The following ZWINT variants were observed in gnomAD, a reference collection of about 807,000 sequenced individuals.
ZWINT encodes the protein ZW10 interacting kinetochore protein.
ZWINT carries 41 observed loss-of-function variants against 41.5 expected under a neutral mutation model. The observed-to-expected ratio is 0.99, with a 90% CI of 0.77 to 1.28. ZWINT has a LOEUF of 1.28. Among genes scored for constraint, ZWINT ranks in the 50% most tolerant of loss-of-function variants. ZWINT has a pLI of 0.00. For synonymous variants in ZWINT, 132 were observed against 126.8 expected, an observed-to-expected ratio of 1.04 and a Z score of -0.28; for missense variants, 369 against 329.7, an observed-to-expected ratio of 1.12 and a Z score of -0.92.
intron 2 of ZWINT, 45 bp downstream of exon 2, chr10:56,360,248 A>T (rs746802649): frequency 5.6e-6 from 9 of 1,609,382 alleles, no homozygotes; most frequent in Admixed American, 1.7e-5. Flanking sequence ...AGGAGCCAGG[A>T]CCAGACCCTG....
In ZWINT at chr10:56,360,403, C is replaced by A; in HGVS notation, c.42-20G>T. The A allele has an allele frequency of 4.4e-6, 7 of 1,606,362 alleles. No individual in the cohort carries two copies. The highest frequency in any genetic ancestry group is 6.0e-6 in the Non-Finnish European group (7 of 1,174,270). ...AGGACCCTGGAGGGGCAAGGAAACA[C>A]AGGAAATTGCAGTTTCTTGTGGTGC... On this transcript the variant is annotated intron_variant, in intron 1 of 8. Transcript: ENST00000373944.
rs774809948 is a variant in ZWINT at position 56,358,908 on chromosome 10, C to A, written c.520G>T (p.Val174Leu). The A allele has an allele frequency of 6.2e-7, 1 of 1,614,166 alleles. No homozygotes were observed. The highest frequency in any genetic ancestry group is 8.5e-7 in the Non-Finnish European group (1 of 1,180,032). Residue 174 changes from valine (V) to leucine (L), a missense_variant, in exon 6 of 9, where the codon GTG becomes TTG. Physicochemically the swap from Val to Leu is conservative, Grantham distance 32. Coordinates refer to ENST00000373944, the MANE Select transcript of ZWINT (RefSeq NM_007057.4). ...TGAGTCCCTGTCTTACGCTCCCTCA[C>A]CTCTGCAGAAACCTCCGCCAGATGC... ...LQHLAEVSAE[V>L]RERKTGTQQE...
chr10:56,358,821 G>C lies in ZWINT; in HGVS notation c.607C>G (p.Arg203Gly), dbSNP rs146582472. 1.2e-6 allele frequency: 2 copies of C among 1,613,982 alleles called. No homozygotes were observed. Among genetic ancestry groups the C allele is most frequent in the Non-Finnish European group, 8.5e-7 (1 of 1,179,998 alleles). The change falls in exon 6 of 9, where the codon CGG (arginine) becomes GGG (glycine). Residue 203 changes from arginine (R) to glycine (G), a missense_variant. By Grantham distance (125) the Arg-to-Gly change is moderately radical. Transcript: ENST00000373944. The part of the protein sequence containing the change: ...GNLKQQAEQE[R>G]DKLQRYQTFL... ...CGAACTTACCTCTGCAGCTTGTCCC[G>C]CTCCTGTTCTGCCTGCTGCTTCAGG...
Position 56,358,948 on chromosome 10 carries a change from C to T in ZWINT, c.481-1G>A, listed in dbSNP as rs1838247741. 2 of 1,614,020 alleles carry T rather than the reference C, an allele frequency of 1.2e-6. No individual in the cohort carries two copies. Among genetic ancestry groups the T allele is most frequent in the Non-Finnish European group, 1.7e-6 (2 of 1,179,960 alleles). On this transcript the variant is annotated splice_acceptor_variant, in intron 5 of 8. Coordinates refer to ENST00000373944, the MANE Select transcript of ZWINT (RefSeq NM_007057.4). LOFTEE classifies it high-confidence loss of function. ...CCGCCAGATGCTGCAGATGCTTCTC[C>T]TGCCAGGAGTGAGCATGCAGACATT...
rs1459999002 is a variant in ZWINT at position 56,358,672 on chromosome 10, G to C, written c.676C>G (p.Pro226Ala). 1 of 1,612,722 alleles carries C rather than the reference G, an allele frequency of 6.2e-7. No homozygotes were observed. The highest frequency in any genetic ancestry group is 1.4e-5 in the African/African-American group (1 of 73,794). Reference protein sequence around the residue: ...LYTLQGKLLFPEAEAEAENLP... With the variant: ...LYTLQGKLLFAEAEAEAENLP... ...TTCTCTGCCTCAGCCTCAGCCTCAG[G>C]GAACAACAGCTTACCCTGCAGGGTA... is the stretch of plus-strand genomic sequence containing the variant. The change falls in exon 7 of 9, where the codon CCT (proline) becomes GCT (alanine). Residue 226 changes from proline (P) to alanine (A), a missense_variant. By Grantham distance (27) the Pro-to-Ala change is conservative. Coordinates refer to ENST00000373944, the MANE Select transcript of ZWINT (RefSeq NM_007057.4).
At position 56,357,926 on chromosome 10, in the gene ZWINT, AG is replaced by A. The variant is rs1212360088; in HGVS notation, c.*300del. The A allele has an allele frequency of 5.1e-6, 2 of 392,130 alleles. No homozygotes were observed. Among genetic ancestry groups the A allele is most frequent in the African/African-American group, 4.2e-5 (2 of 47,996 alleles). The allele number at this position is 392,130 out of a possible 1,614,324, so 24.3% of individuals were successfully genotyped here. A position where few individuals can be genotyped will look rare whatever the true frequency, so the allele number is the denominator to read the frequency against. ...CCATGTCTGCATCATAGGAGGCCCA[AG>A]GCCAGTACCCCCTCCCCATCTGCAC... On this transcript the variant is annotated 3_prime_UTR_variant, in exon 9 of 9. Transcript: ENST00000373944.
At chr10:56,361,135 T>C (rs751833276) in intron 1 of ZWINT, 61 bp downstream of exon 1, 11 of 1,593,330 alleles carry the variant, frequency 6.9e-6, no homozygotes, top group South Asian at 1.1e-5. Flanking sequence ...TCATTACACA[T>C]AGGGGCCCAC....
At chr10:56,358,313 A>C (rs1220095239) in intron 8 of ZWINT, 64 bp downstream of exon 8, 1 of 1,368,788 alleles carries the variant, frequency 7.3e-7, no homozygotes, top group Non-Finnish European at 1.0e-6. Context: ...GAGAGAGGTA[A>C]ACCAGGCTTT....
At position 56,358,875 on chromosome 10, in the gene ZWINT, G is replaced by T; in HGVS notation, c.553C>A (p.Leu185Ile). ...CCAAGTTTCTGAAACACCCTGTCAA[G>T]CTCCTGCTGAGTCCCTGTCTTACGC... ...RERKTGTQQE[L>I]DRVFQKLGNL... The change falls in exon 6 of 9, where the codon CTT becomes ATT. Residue 185 changes from leucine to isoleucine, a missense_variant. Leu to Ile is a conservative substitution (Grantham distance 5). Coordinates refer to ENST00000373944, the MANE Select transcript of ZWINT (RefSeq NM_007057.4). 6.2e-7 allele frequency: 1 copy of T among 1,614,088 alleles called. No homozygotes were observed. Among genetic ancestry groups the T allele is most frequent in the Non-Finnish European group, 8.5e-7 (1 of 1,180,000 alleles).
intron 5 of ZWINT, 115 bp from the exon 6 acceptor site, chr10:56,359,062 G>C: frequency 6.3e-6 from 8 of 1,275,468 alleles, no homozygotes; most frequent in Non-Finnish European, 8.7e-6. Context: ...TGAAAAGAGG[G>C]ACTCTATTCA....
rs1171580297 is a variant in ZWINT, at chr10:56,357,784, C to CA, written c.*442_*443insT. The CA allele has an allele frequency of 1.3e-5, 4 of 311,992 alleles. No individual in the cohort carries two copies. The highest frequency in any genetic ancestry group is 2.5e-5 in the Non-Finnish European group (4 of 161,508). The allele number at this position is 311,992 out of a possible 1,614,324, so 19.3% of individuals were successfully genotyped here. On this transcript the variant is annotated 3_prime_UTR_variant, in exon 9 of 9. Coordinates refer to ENST00000373944, the MANE Select transcript of ZWINT (RefSeq NM_007057.4). ...GCTCACTGTTATAATTCTGGTTCAC[C>CA]GCAAGAACCTTAGCACAAAGAAAGG...
At chr10:56,359,444 G>A (rs746495051) in intron 5 of ZWINT, 32 bp downstream of exon 5, 9 of 1,507,606 alleles carry the variant, frequency 6.0e-6, no homozygotes, top group Non-Finnish European at 7.1e-6. Flanking sequence ...ATGGTGGTGG[G>A]AAGGGATATT....
Position 56,359,491 on chromosome 10 carries a change from C to G in ZWINT, c.465G>C (p.Gln155His), listed in dbSNP as rs973802310. 4.6e-6 allele frequency: 7 copies of G among 1,536,586 alleles called. No individual in the cohort carries two copies. The highest frequency in any genetic ancestry group is 4.4e-6 in the Non-Finnish European group (5 of 1,145,550). ...AMEKRRAVQN[Q>H]WQLQQEKHLQ... ...ACGAACCTACCTGTTGTAGCTGCCA[C>G]TGGTTCTGGACTGCTCTGCGTTTCT... The change falls in exon 5 of 9, where the codon CAG becomes CAC. Residue 155 changes from glutamine to histidine, a missense_variant. Coordinates refer to ENST00000373944, the MANE Select transcript of ZWINT (RefSeq NM_007057.4).
chr10:56,359,600 C>T, intron 4 of ZWINT, 68 bp from the exon 5 acceptor site: 1 of 1,581,072 alleles, frequency 6.3e-7, no homozygotes, highest in African/African-American at 1.4e-5. Flanking sequence ...TGGGAGATTG[C>T]AAGCTGGCAC....
chr10:56,358,455 A>G lies in ZWINT; in HGVS notation c.797T>C (p.Val266Ala). 1 of 1,614,146 alleles carries G rather than the reference A, an allele frequency of 6.2e-7. No individual in the cohort carries two copies. Among genetic ancestry groups the G allele is most frequent in the Non-Finnish European group, 8.5e-7 (1 of 1,180,022 alleles). The change falls in exon 8 of 9, where the codon GTT becomes GCT. Residue 266 changes from valine to alanine, a missense_variant. Transcript: ENST00000373944. ...TACATCTCCAGCAGGTTGTAGACCA[A>G]CAGCCTTGGAGAAATACAGTATAGA... ...GRDPGVSFKAVGLQPAGDVNL... is the reference protein window; with the variant it reads ...GRDPGVSFKAAGLQPAGDVNL...
At position 56,358,410 on chromosome 10, in the gene ZWINT, C is replaced by G; in HGVS notation, c.*8G>C. On this transcript the variant is annotated 3_prime_UTR_variant, in exon 8 of 9. Coordinates refer to ENST00000373944, the MANE Select transcript of ZWINT (RefSeq NM_007057.4). ...GGATCTTTCTCCATGCTGCTGTCCTCCAGGAAGTCATGGCAAATTTACATC... is the reference window on the plus strand; with the variant it reads ...GGATCTTTCTCCATGCTGCTGTCCTGCAGGAAGTCATGGCAAATTTACATC... The G allele has an allele frequency of 6.2e-7, 1 of 1,614,106 alleles. No homozygotes were observed. The highest frequency in any genetic ancestry group is 8.5e-7 in the Non-Finnish European group (1 of 1,180,004).
In ZWINT at chr10:56,357,997, T is replaced by G. The variant is rs553787294; in HGVS notation, c.*230A>C. 6.6e-5 allele frequency: 33 copies of G among 499,492 alleles called. No individual in the cohort carries two copies. In the East Asian group the frequency reaches 1.9e-3, roughly 28 times the overall value. 30.9% of individuals were successfully genotyped at this position (499,492 alleles called of 1,614,324 possible). ...CCCAGCTCCTGTCATGTTATTGGCTTCTGAGTATCTGTATTAATAGTTGTT... is the reference window on the plus strand; with the variant it reads ...CCCAGCTCCTGTCATGTTATTGGCTGCTGAGTATCTGTATTAATAGTTGTT... On this transcript the variant is annotated 3_prime_UTR_variant, in exon 9 of 9. Transcript: ENST00000373944.
intron 1 of ZWINT, 113 bp downstream of exon 1, chr10:56,361,083 C>G: frequency 8.3e-7 from 1 of 1,201,900 alleles, no homozygotes; most frequent in South Asian, 1.4e-5. Flanking sequence ...CACTTCACGG[C>G]AGGGTCGAAC....
In ZWINT at chr10:56,358,350, G is replaced by A. The variant is rs560629239; in HGVS notation, c.*41+27C>T. 42 of 1,582,936 alleles carry A rather than the reference G, an allele frequency of 2.7e-5. No homozygotes were observed. In the African/African-American group the frequency reaches 2.7e-4, roughly 10 times the overall value. ...CCTCCTTCCACACTTGCAGTCCAGG[G>A]ACACCAAGGCCTGAGTTGGGTCTGA... is the stretch of plus-strand genomic sequence containing the variant. On this transcript the variant is annotated intron_variant, in intron 8 of 8. Coordinates refer to ENST00000373944, the MANE Select transcript of ZWINT (RefSeq NM_007057.4).
Sources: gnomAD v4.1 joint callset for allele counts on GRCh38, gnomAD v4.1.1 for gene constraint, MANE v1.5 for transcripts, NCBI Gene and HGNC (gene_info 2026-07-23, HGNC 2026-07-21) for gene names.